The following PCLO variants were observed in gnomAD, a reference collection of about 807,000 sequenced individuals.
PCLO encodes piccolo presynaptic cytomatrix protein.
Under a neutral mutation model 427.5 loss-of-function variants are expected in PCLO, and 82 were observed. That is an observed-to-expected ratio of 0.19 (90% CI 0.16 to 0.23). The LOEUF (loss-of-function observed/expected upper bound fraction) is 0.23, where lower values mean the gene tolerates loss of function less well. Among genes scored for constraint, PCLO ranks in the 10% least tolerant of loss-of-function variants. PCLO has a pLI of 1.00. For synonymous variants in PCLO, 2,357 were observed against 2,155.4 expected, an observed-to-expected ratio of 1.09 and a Z score of -2.59; for missense variants, 6,239 against 6,115.9, an observed-to-expected ratio of 1.02 and a Z score of -0.67.
chr7:82,935,724 C>A (rs1416123477), intron 6 of PCLO, among the ~76,000 whole-genome samples: 1 of 151,582 alleles, frequency 6.6e-6, no homozygotes, highest in Admixed American at 6.6e-5. Context: ...CGGCGTGAAA[C>A]TTCATTTCAA....
intron 18 of PCLO, among the ~76,000 whole-genome samples, chr7:82,825,292 G>A (rs953363548): frequency 2.6e-5 from 4 of 151,950 alleles, no homozygotes; most frequent in Non-Finnish European, 4.4e-5. Flanking sequence ...GTAAACATAA[G>A]ACCATAAATT....
At chr7:83,015,252 G>A (rs1321623334) in intron 3 of PCLO, among the ~76,000 whole-genome samples, 1 of 151,808 alleles carries the variant, frequency 6.6e-6, no homozygotes, top group African/African-American at 2.4e-5. Context: ...ACATAAATCA[G>A]TATCTTTAAA....
chr7:83,070,481 G>A (rs1230864659), intron 3 of PCLO, among the ~76,000 whole-genome samples: 3 of 150,182 alleles, frequency 2.0e-5, no homozygotes, highest in Admixed American at 6.7e-5. Context: ...TCTGCCTCCC[G>A]GGTTCACGCC....
intron 6 of PCLO, among the ~76,000 whole-genome samples, chr7:82,917,711 C>T (rs1295804447): frequency 6.6e-6 from 1 of 151,948 alleles, no homozygotes; most frequent in Admixed American, 6.6e-5. Context: ...ACAACTAGAT[C>T]TCAGGTCTTC....
chr7:82,948,185 C>A (rs1795247712), intron 6 of PCLO, among the ~76,000 whole-genome samples: 1 of 151,814 alleles, frequency 6.6e-6, no homozygotes, highest in Non-Finnish European at 1.5e-5. Flanking sequence ...TAAAATAATT[C>A]TCTGTATACT....
At chr7:83,128,864 T>C (rs1400936541) in intron 3 of PCLO, among the ~76,000 whole-genome samples, 3 of 152,276 alleles carry the variant, frequency 2.0e-5, no homozygotes, top group East Asian at 1.9e-4. Context: ...GAAAAAACAA[T>C]TGCACAATGA....
Position 82,956,541 on chromosome 7 carries a change from C to T in PCLO, c.4412G>A (p.Ser1471Asn). 1 of 1,612,570 alleles carries T rather than the reference C, an allele frequency of 6.2e-7. No individual in the cohort carries two copies. Among genetic ancestry groups the T allele is most frequent in the African/African-American group, 1.3e-5 (1 of 74,854 alleles). Residue 1471 changes from serine to asparagine, a missense_variant, in exon 5 of 25, where the codon AGT (serine) becomes AAT (asparagine). Around this residue, in one of 5 missense-constraint regions of PCLO, gnomAD observed 4,677 missense variants for 4,468.4 expected, o/e 1.05. Transcript: ENST00000333891. Reference protein sequence around the residue: ...ITISEEEIKESQEERKDTFKK... With the variant: ...ITISEEEIKENQEERKDTFKK... ...AAAAGTGTCTTTCCTTTCTTCTTGACTCTCTTTGATCTCCTCTTCTGAAAT... is the reference window on the plus strand; with the variant it reads ...AAAAGTGTCTTTCCTTTCTTCTTGATTCTCTTTGATCTCCTCTTCTGAAAT...
intron 22 of PCLO, among the ~76,000 whole-genome samples, chr7:82,779,726 T>A (rs372663582): frequency 2.0e-4 from 27 of 136,386 alleles, no homozygotes; most frequent in South Asian, 9.9e-4. Flanking sequence ...TGCTCTATAT[T>A]TTTTTTTCTT....
Position 82,916,673 on chromosome 7 carries a change from A to T in PCLO, c.11313T>A (p.Asp3771Glu). 2 of 1,613,624 alleles carry T rather than the reference A, an allele frequency of 1.2e-6. No individual in the cohort carries two copies. Among genetic ancestry groups the T allele is most frequent in the Non-Finnish European group, 1.7e-6 (2 of 1,179,738 alleles). ...GTTTTGCAGACTCCCTTTCCACAAGATCAAGCTCTCTGTCTATGTCCTGGA... is the reference window on the plus strand; with the variant it reads ...GTTTTGCAGACTCCCTTTCCACAAGTTCAAGCTCTCTGTCTATGTCCTGGA... ...KILQDIDREL[D>E]LVERESAKLR... Residue 3771 changes from aspartate to glutamate, a missense_variant, in exon 7 of 25, where the codon GAT becomes GAA. Asp to Glu is a conservative substitution (Grantham distance 45, BLOSUM62 2). Around this residue, in one of 5 missense-constraint regions of PCLO, gnomAD observed 4,677 missense variants for 4,468.4 expected, o/e 1.05. Coordinates refer to ENST00000333891, the MANE Select transcript of PCLO (RefSeq NM_033026.6).
At chr7:82,853,438 A>G (rs567364745) in intron 10 of PCLO, among the ~76,000 whole-genome samples, 1 of 152,216 alleles carries the variant, frequency 6.6e-6, no homozygotes, top group Admixed American at 6.5e-5. Context: ...AATTGCTATT[A>G]ACTAGGACAC....
At chr7:82,865,248 G>A (rs908933672) in intron 10 of PCLO, among the ~76,000 whole-genome samples, 5 of 152,134 alleles carry the variant, frequency 3.3e-5, no homozygotes, top group Admixed American at 6.5e-5. Context: ...AGCACTTTGG[G>A]AGGCCAAGGT....
intron 3 of PCLO, among the ~76,000 whole-genome samples, chr7:83,007,813 A>G (rs1466902656): frequency 2.0e-5 from 3 of 151,500 alleles, no homozygotes; most frequent in Non-Finnish European, 4.4e-5. Flanking sequence ...GAATGAGGGC[A>G]TGTTATCTAC....
intron 3 of PCLO, among the ~76,000 whole-genome samples, chr7:83,009,676 T>C (rs1226238671): frequency 1.3e-5 from 2 of 151,848 alleles, no homozygotes; most frequent in African/African-American, 4.8e-5. Flanking sequence ...ATGGAAATAA[T>C]ATAAATTTAA....
intron 20 of PCLO, among the ~76,000 whole-genome samples, chr7:82,811,951 A>G (rs946513841): frequency 5.9e-5 from 9 of 151,452 alleles, no homozygotes; most frequent in African/African-American, 1.5e-4. Flanking sequence ...TGTAAACAAT[A>G]TATCTATTAT....
At chr7:82,879,542 A>T (rs1474328100) in intron 9 of PCLO, 80 bp from the exon 10 acceptor site, 1 of 1,089,488 alleles carries the variant, frequency 9.2e-7, no homozygotes, top group Non-Finnish European at 1.3e-6. Context: ...GAGCACAAAA[A>T]GTAGGTCTGG....
In PCLO at chr7:82,852,655, C is replaced by T. The variant is rs143652004; in HGVS notation, c.13655-5408G>A. Among the ~76,000 whole-genome samples the T allele has an allele frequency of 1.4e-3, 214 of 152,178 alleles. 1 individual carries two copies. Among genetic ancestry groups the T allele is most frequent in the African/African-American group, 5.0e-3 (207 of 41,536 alleles). ...TCCTTGCTCCTCAACTTGCAGATGG[C>T]CTATCATGCGACTTTATATTGTGAT... On this transcript the variant is annotated intron_variant, in intron 10 of 24. Coordinates refer to ENST00000333891, the MANE Select transcript of PCLO (RefSeq NM_033026.6).
At chr7:83,113,112 A>C (rs1791046216) in intron 3 of PCLO, among the ~76,000 whole-genome samples, 1 of 152,230 alleles carries the variant, frequency 6.6e-6, no homozygotes, top group Non-Finnish European at 1.5e-5. Context: ...CTGTTCTGAA[A>C]GTTGTACATG....
chr7:82,804,363 A>G (rs1791417487), intron 21 of PCLO, among the ~76,000 whole-genome samples: 1 of 152,218 alleles, frequency 6.6e-6, no homozygotes, highest in South Asian at 2.1e-4. Context: ...TGTAGTTCAA[A>G]ACAACAAAAT....
intron 20 of PCLO, chr7:82,820,958 T>A: frequency 8.1e-7 from 1 of 1,228,702 alleles, no homozygotes; most frequent in Non-Finnish European, 1.0e-6. Flanking sequence ...GGGACTTACA[T>A]GGTGATGATG....
Sources: allele counts gnomAD v4.1 joint callset (sites outside exome capture counted in the v4.1 genomes callset), GRCh38; gene constraint gnomAD v4.1.1; regional missense constraint gnomAD v4.1.1; transcripts MANE v1.5; gene names NCBI Gene and HGNC (gene_info 2026-07-23, HGNC 2026-07-21).